Variants in FOLH1 observed in about 807,000 individuals in gnomAD.
FOLH1 encodes glutamate carboxypeptidase 2.
In FOLH1, 54 loss-of-function variants were observed where a neutral mutation model predicts 93.9. That is an observed-to-expected ratio of 0.57 (90% CI 0.46 to 0.72). FOLH1 has a LOEUF of 0.72. Among genes scored for constraint, FOLH1 ranks in the 30% least tolerant of loss-of-function variants. FOLH1 has a pLI of 0.00. For synonymous variants in FOLH1, 249 were observed against 303.6 expected (o/e 0.82, Z 1.87); for missense variants, 571 against 892.5 (o/e 0.64, Z 4.59).
chr11:49,182,710 G>A (rs1400874856), intron 7 of FOLH1, among the ~76,000 whole-genome samples: 8 of 152,200 alleles, frequency 5.3e-5, no homozygotes, highest in African/African-American at 1.9e-4. Flanking sequence ...AGTGTTGGGT[G>A]CAGCATCTAT....
intron 13 of FOLH1, among the ~76,000 whole-genome samples, chr11:49,158,778 T>C (rs2134949667): frequency 6.6e-6 from 1 of 152,342 alleles, no homozygotes; most frequent in South Asian, 2.1e-4. Flanking sequence ...GAATGTTTTT[T>C]CCATTTGAAT....
chr11:49,194,221 C>T (rs368061549), intron 3 of FOLH1, among the ~76,000 whole-genome samples: 3,241 of 107,632 alleles, frequency 0.03, no homozygotes, highest in Middle Eastern at 0.049. Context: ...AAAGTAATGG[C>T]TTAGCGTAAA....
intron 13 of FOLH1, among the ~76,000 whole-genome samples, chr11:49,159,711 C>T (rs994083226): frequency 6.6e-6 from 1 of 152,054 alleles, no homozygotes; most frequent in Non-Finnish European, 1.5e-5. Flanking sequence ...ATAGTACCAG[C>T]CCTTCTTTGT....
intron 12 of FOLH1, among the ~76,000 whole-genome samples, chr11:49,167,005 A>G (rs1858483907): frequency 6.6e-6 from 1 of 151,062 alleles, no homozygotes; most frequent in Non-Finnish European, 1.5e-5. Flanking sequence ...ACAATACTAC[A>G]AGATCTCATT....
At chr11:49,167,144 C>CAT (rs1858510078) in intron 12 of FOLH1, among the ~76,000 whole-genome samples, 2 of 152,104 alleles carry the variant, frequency 1.3e-5, no homozygotes, top group Admixed American at 1.3e-4. Context: ...ATATAATATA[C>CAT]ATATATATAC....
Position 49,145,956 on chromosome 11 carries a change from C to A in FOLH1, c.*800G>T, listed in dbSNP as rs1411522885. ...TAAAAGTCAATGAAAAAAATCAAGT[C>A]CCTGAAAATTACACATGGTATGATT... On this transcript the variant is annotated 3_prime_UTR_variant, in exon 19 of 19. Transcript: ENST00000256999. Among the ~76,000 whole-genome samples the A allele has an allele frequency of 6.6e-6, 1 of 151,952 alleles. No homozygotes were observed. The highest frequency in any genetic ancestry group is 1.5e-5 in the Non-Finnish European group (1 of 67,982).
chr11:49,178,559 AAAAT>A (rs1388421502), intron 7 of FOLH1, among the ~76,000 whole-genome samples: 1 of 152,224 alleles, frequency 6.6e-6, no homozygotes, highest in East Asian at 1.9e-4. Flanking sequence ...ACCAATGAAA[AAAAT>A]AATGCACATA....
At chr11:49,198,192 C>T (rs1379431525) in intron 3 of FOLH1, among the ~76,000 whole-genome samples, 1 of 151,838 alleles carries the variant, frequency 6.6e-6, no homozygotes, top group Non-Finnish European at 1.5e-5. Context: ...AAGAAAAAAA[C>T]GACAACATAG....
chr11:49,178,651 T>G (rs1410994361), intron 7 of FOLH1, among the ~76,000 whole-genome samples: 1 of 152,168 alleles, frequency 6.6e-6, no homozygotes. Context: ...GAAATAAATC[T>G]CTTTAGGTCA....
chr11:49,203,866 G>A (rs1417650714), intron 2 of FOLH1, among the ~76,000 whole-genome samples: 3 of 152,222 alleles, frequency 2.0e-5, no homozygotes, highest in Non-Finnish European at 4.4e-5. Context: ...GTTCAGTTCA[G>A]CATTGATCGC....
At chr11:49,177,737 C>T (rs866251687) in intron 7 of FOLH1, among the ~76,000 whole-genome samples, 5 of 136,504 alleles carry the variant, frequency 3.7e-5, no homozygotes, top group East Asian at 2.2e-4. Context: ...CACCTGAGGT[C>T]GGGAGTTTGA....
chr11:49,205,189 A>G (rs1863762971), intron 2 of FOLH1, among the ~76,000 whole-genome samples: 1 of 152,088 alleles, frequency 6.6e-6, no homozygotes, highest in South Asian at 2.1e-4. Flanking sequence ...GGGCAACAAG[A>G]GCGAAACTCC....
At chr11:49,158,675 A>G (rs1180245780) in intron 13 of FOLH1, among the ~76,000 whole-genome samples, 1 of 152,186 alleles carries the variant, frequency 6.6e-6, no homozygotes, top group Non-Finnish European at 1.5e-5. Context: ...AAGAATGCCA[A>G]CAATAGTTTA....
intron 4 of FOLH1, among the ~76,000 whole-genome samples, chr11:49,191,833 G>A (rs1421364548): frequency 1.3e-5 from 2 of 152,198 alleles, no homozygotes; most frequent in East Asian, 1.9e-4. Flanking sequence ...GAGTAGCTGG[G>A]ACTACAGTTG....
chr11:49,164,799 T>A, intron 12 of FOLH1, 27 bp from the exon 13 acceptor site: 1 of 1,503,106 alleles, frequency 6.7e-7, no homozygotes, highest in South Asian at 1.2e-5. Context: ...GAATAGATTT[T>A]AAAATTTAAT....
chr11:49,198,959 C>T (rs1590685363), intron 3 of FOLH1, among the ~76,000 whole-genome samples: 1 of 151,832 alleles, frequency 6.6e-6, no homozygotes, highest in African/African-American at 2.4e-5. Context: ...TGATTGAGAA[C>T]AGTAGTTAAT....
At chr11:49,153,149 TA>T (rs1203542702) in intron 17 of FOLH1, among the ~76,000 whole-genome samples, 1 of 152,038 alleles carries the variant, frequency 6.6e-6, no homozygotes, top group African/African-American at 2.4e-5. Context: ...AATTATACTT[TA>T]AAAAAATTAC....
chr11:49,172,372 C>G (rs1311022956), intron 10 of FOLH1, among the ~76,000 whole-genome samples: 1 of 152,088 alleles, frequency 6.6e-6, no homozygotes, highest in Non-Finnish European at 1.5e-5. Context: ...AGCGCCTTTA[C>G]ATTTTATTTT....
chr11:49,173,956 T>C (rs1293557594), intron 9 of FOLH1, among the ~76,000 whole-genome samples: 2 of 152,158 alleles, frequency 1.3e-5, no homozygotes, highest in Non-Finnish European at 2.9e-5. Context: ...CTATGCAGTT[T>C]TTAAAGTACA....
Sources: allele counts gnomAD v4.1 joint callset (sites outside exome capture counted in the v4.1 genomes callset), GRCh38; gene constraint gnomAD v4.1.1; transcripts MANE v1.5; gene names NCBI Gene and HGNC (gene_info 2026-07-23, HGNC 2026-07-21).